POLA2: variants seen among roughly 807,000 people sequenced by gnomAD.
POLA2 encodes the protein DNA polymerase alpha subunit B.
POLA2 carries 47 observed loss-of-function variants against 82.8 expected under a neutral mutation model. The ratio of observed to expected loss-of-function variants is 0.57; its 90% CI spans 0.45 to 0.72. The LOEUF is 0.72. POLA2 is among the 30% of genes least tolerant of loss of function. POLA2 has a pLI of 0.00. For missense variants in POLA2, 634 were observed against 728.1 expected, an observed-to-expected ratio of 0.87 and a Z score of 1.49; for synonymous variants, 287 against 286.8, an observed-to-expected ratio of 1.00 and a Z score of -0.01.
chr11:65,274,041 C>A (rs570967747), intron 4 of POLA2, among the ~76,000 whole-genome samples: 1 of 152,224 alleles, frequency 6.6e-6, no homozygotes, highest in South Asian at 2.1e-4. Context: ...TTATGTAAAT[C>A]ATTGTAGGTC....
chr11:65,282,374 C>T, intron 9 of POLA2, 105 bp from the exon 10 acceptor site: 2 of 873,910 alleles, frequency 2.3e-6, no homozygotes, highest in Non-Finnish European at 3.9e-6. Flanking sequence ...TCCCCACTGT[C>T]CTCCCATCAC....
At chr11:65,282,616 C>T in intron 10 of POLA2, 95 bp downstream of exon 10, 1 of 1,066,674 alleles carries the variant, frequency 9.4e-7, no homozygotes, top group South Asian at 1.3e-5. Flanking sequence ...GCTGCAGAAG[C>T]TGCTGAAGAG....
At chr11:65,273,245 A>C (rs1296592700) in intron 4 of POLA2, among the ~76,000 whole-genome samples, 1 of 150,808 alleles carries the variant, frequency 6.6e-6, no homozygotes, top group East Asian at 2.0e-4. Flanking sequence ...GCCTGAACCC[A>C]GGAGGCGGAG....
At chr11:65,272,658 G>C (rs1055665193) in intron 4 of POLA2, among the ~76,000 whole-genome samples, 2 of 152,180 alleles carry the variant, frequency 1.3e-5, no homozygotes, top group Admixed American at 6.5e-5. Context: ...GTGAGTGTGA[G>C]AATGTGCTTA....
At chr11:65,281,576 T>C in intron 8 of POLA2, 94 bp from the exon 9 acceptor site, 2 of 866,526 alleles carry the variant, frequency 2.3e-6, no homozygotes, top group Admixed American at 3.9e-5. Context: ...AGAATGAGAG[T>C]AGTTGGACAA....
rs1158684807 is a variant in POLA2, at chr11:65,278,767, C to T, written c.499C>T (p.Arg167Ter). Reference sequence around the variant, plus strand: ...CCAGAAATACAACTCACGAAGTAACCGAGGAGAAGTGGTTACCTCCTTCGG... The same window carrying T: ...CCAGAAATACAACTCACGAAGTAACTGAGGAGAAGTGGTTACCTCCTTCGG... ...PSQKYNSRSN[R>*]GEVVTSFGLA... Residue 167 changes from arginine to a stop codon, truncating the protein, a stop_gained, in exon 6 of 18, where the codon CGA becomes TGA. Transcript: ENST00000265465. LOFTEE classifies it high-confidence loss of function. The T allele has an allele frequency of 1.9e-6, 3 of 1,613,606 alleles. No individual in the cohort carries two copies. The highest frequency in any genetic ancestry group is 2.2e-5 in the South Asian group (2 of 91,042).
chr11:65,298,662 T>C lies in POLA2; in HGVS notation c.*1393T>C, dbSNP rs982978304. On this transcript the variant is annotated 3_prime_UTR_variant, in exon 18 of 18. Coordinates refer to ENST00000265465, the MANE Select transcript of POLA2 (RefSeq NM_002689.4). ...AGCCCCAGACCTGACCAGGGTACAG[T>C]AAAAGGTCTTCCTTTAAACACAAGG... The C allele has an allele frequency of 6.6e-6, 1 of 152,268 alleles. No individual in the cohort carries two copies. The highest frequency in any genetic ancestry group is 2.4e-5 in the African/African-American group (1 of 41,466). 9.4% of individuals were successfully genotyped at this position (152,268 alleles called of 1,614,324 possible).
intron 16 of POLA2, 91 bp downstream of exon 16, chr11:65,295,690 C>T (rs2137597093): frequency 7.5e-7 from 1 of 1,342,040 alleles, no homozygotes; most frequent in South Asian, 1.2e-5. Context: ...CTTCACCAGG[C>T]TACCAGCAGG....
intron 3 of POLA2, among the ~76,000 whole-genome samples, 175 bp from the exon 4 acceptor site, chr11:65,268,497 G>A (rs867063234): frequency 1.3e-5 from 2 of 151,308 alleles, no homozygotes; most frequent in African/African-American, 2.4e-5. Flanking sequence ...GACTACAGGC[G>A]CCCGGCTAAT....
intron 1 of POLA2, among the ~76,000 whole-genome samples, chr11:65,262,735 A>C (rs1348276077): frequency 1.3e-5 from 2 of 152,094 alleles, no homozygotes; most frequent in African/African-American, 4.8e-5. Flanking sequence ...GGGGGTTTTG[A>C]AATGTAGCTT....
intron 4 of POLA2, among the ~76,000 whole-genome samples, chr11:65,274,489 G>A (rs1949555681): frequency 6.6e-6 from 1 of 151,896 alleles, no homozygotes; most frequent in Non-Finnish European, 1.5e-5. Context: ...AGACCAGCCT[G>A]GCCAACATGA....
chr11:65,264,520 AGAT>A (rs1949437471), intron 1 of POLA2, among the ~76,000 whole-genome samples: 1 of 152,216 alleles, frequency 6.6e-6, no homozygotes, highest in African/African-American at 2.4e-5. Flanking sequence ...TGAGTCTTCC[AGAT>A]GATTGTTTTC....
At chr11:65,283,056 A>T (rs1949657942) in intron 10 of POLA2, among the ~76,000 whole-genome samples, 1 of 152,210 alleles carries the variant, frequency 6.6e-6, no homozygotes, top group South Asian at 2.1e-4. Context: ...GCCTAAGCCC[A>T]GGAGTTCAAG....
intron 5 of POLA2, among the ~76,000 whole-genome samples, chr11:65,277,931 T>C (rs1949598290): frequency 6.6e-6 from 1 of 152,192 alleles, no homozygotes; most frequent in Non-Finnish European, 1.5e-5. Flanking sequence ...CTGTAGGCTG[T>C]GAAAAGAAAG....
intron 13 of POLA2, among the ~76,000 whole-genome samples, chr11:65,292,289 C>T (rs987813462): frequency 6.6e-6 from 1 of 152,176 alleles, no homozygotes. Context: ...GAGCAGAGCC[C>T]GCGGTTCTCG....
chr11:65,291,654 C>T (rs1425066828), intron 13 of POLA2, among the ~76,000 whole-genome samples: 1 of 152,172 alleles, frequency 6.6e-6, no homozygotes, highest in Non-Finnish European at 1.5e-5. Flanking sequence ...GTTGTAGTGC[C>T]CTAACACTGG....
intron 11 of POLA2, among the ~76,000 whole-genome samples, chr11:65,288,505 GTTTTTTGT>G (rs1162015484): frequency 8.1e-5 from 8 of 98,224 alleles, no homozygotes; most frequent in African/African-American, 2.5e-4. Context: ...TTGTTCGTTT[GTTTTTTGT>G]TTTTTTTTTT....
chr11:65,300,636 G>A (rs1949854698), downstream of POLA2, among the ~76,000 whole-genome samples: 1 of 152,018 alleles, frequency 6.6e-6, no homozygotes, highest in South Asian at 2.1e-4. Context: ...AGGCTGGAGT[G>A]CAGTGGCACG....
intron 5 of POLA2, 143 bp from the exon 6 acceptor site, chr11:65,278,587 A>G: frequency 1.5e-6 from 1 of 683,082 alleles, no homozygotes; most frequent in Non-Finnish European, 2.5e-6. Context: ...GGGTATGTCC[A>G]ACCCCATTAA....
Sources: allele counts gnomAD v4.1 joint callset (sites outside exome capture counted in the v4.1 genomes callset), GRCh38; gene constraint gnomAD v4.1.1; transcripts MANE v1.5; gene names NCBI Gene and HGNC (gene_info 2026-07-23, HGNC 2026-07-21).